Variants in MYH10 observed in about 807,000 individuals in gnomAD.
MYH10 encodes the protein myosin-10.
MYH10 carries 55 observed loss-of-function variants against 257.8 expected under a neutral mutation model. The ratio of observed to expected loss-of-function variants is 0.21; its 90% confidence interval spans 0.17 to 0.27. The LOEUF (loss-of-function observed/expected upper bound fraction) is 0.27. Among genes scored for constraint, MYH10 ranks in the 10% least tolerant of loss-of-function variants. The pLI is 1.00. For synonymous variants in MYH10, 854 were observed against 921.7 expected, an observed-to-expected ratio of 0.93 and a Z score of 1.33; for missense variants, 1,631 against 2,500.6, an observed-to-expected ratio of 0.65 and a Z score of 7.42.
At chr17:8,577,689 G>A (rs2083548983) in intron 4 of MYH10, among the ~76,000 whole-genome samples, 1 of 152,086 alleles carries the variant, frequency 6.6e-6, no homozygotes. Flanking sequence ...ACACCACCAT[G>A]CCCGGCTAAT....
intron 1 of MYH10, among the ~76,000 whole-genome samples, chr17:8,627,156 A>G (rs556698100): frequency 7.2e-5 from 11 of 152,170 alleles, no homozygotes; most frequent in Non-Finnish European, 1.3e-4. Flanking sequence ...TTTAAACGGA[A>G]CAAATATTCA....
chr17:8,475,634 T>A lies in MYH10; in HGVS notation c.*170A>T. On this transcript the variant is annotated 3_prime_UTR_variant, in exon 43 of 43. Coordinates refer to ENST00000360416, the MANE Select transcript of MYH10 (RefSeq NM_001256012.3). ...TGTCTATATATAAAAAGGGGAGCAA[T>A]TGTACCTAAGTCTGAAGCAGGATAC... The A allele has an allele frequency of 1.4e-6, 1 of 699,426 alleles. No individual in the cohort carries two copies. The highest frequency in any genetic ancestry group is 1.9e-5 in the South Asian group (1 of 52,426). The allele number at this position is 699,426 out of a possible 1,614,324, so 43.3% of individuals were successfully genotyped here. A position where few individuals can be genotyped will look rare whatever the true frequency, so the allele number is the denominator to read the frequency against.
chr17:8,548,572 T>C, intron 10 of MYH10, 72 bp downstream of exon 10: 2 of 1,535,316 alleles, frequency 1.3e-6, no homozygotes, highest in Non-Finnish European at 1.8e-6. Context: ...CATTTTCTAG[T>C]TTAGGTGATT....
chr17:8,590,062 C>A (rs2084065349), intron 3 of MYH10, among the ~76,000 whole-genome samples: 1 of 152,170 alleles, frequency 6.6e-6, no homozygotes, highest in South Asian at 2.1e-4. Context: ...GCTCACAAGT[C>A]CTGGCCCAAG....
chr17:8,607,113 C>T (rs775958496), intron 2 of MYH10, among the ~76,000 whole-genome samples: 17 of 152,190 alleles, frequency 1.1e-4, no homozygotes, highest in Non-Finnish European at 2.1e-4. Flanking sequence ...ATTTATATAA[C>T]GTTAACAAAT....
chr17:8,520,852 G>A (rs1053306343), intron 19 of MYH10, 26 bp downstream of exon 19: 1 of 1,580,394 alleles, frequency 6.3e-7, no homozygotes, highest in Non-Finnish European at 8.6e-7. Flanking sequence ...TGATACATAA[G>A]CAAAAAAAGT....
intron 7 of MYH10, among the ~76,000 whole-genome samples, chr17:8,559,493 T>A (rs2082916524): frequency 6.6e-6 from 1 of 152,178 alleles, no homozygotes; most frequent in South Asian, 2.1e-4. Context: ...TATTATTTTA[T>A]TCTTTTTTTT....
chr17:8,555,792 G>A lies in MYH10; in HGVS notation c.757-1774C>T, dbSNP rs140626768. Among the ~76,000 whole-genome samples, 1,119 of 152,234 alleles carry A rather than the reference G, an allele frequency of 7.4e-3. 4 individuals carry two copies. Among genetic ancestry groups the A allele is most frequent in the Non-Finnish European group, 0.012 (850 of 68,012 alleles). ...CATAAAATTAAAAACTGGTAAAATG[G>A]ATTTCATCAAAATTTAAAACTTTTA... is the stretch of plus-strand genomic sequence containing the variant. On this transcript the variant is annotated intron_variant, in intron 7 of 42. Transcript: ENST00000360416.
chr17:8,498,617 G>T (rs1221706087), intron 30 of MYH10, among the ~76,000 whole-genome samples: 1 of 152,014 alleles, frequency 6.6e-6, no homozygotes, highest in Non-Finnish European at 1.5e-5. Flanking sequence ...GGAGGCTGAG[G>T]GGGGCGGATC....
At chr17:8,623,514 GA>G (rs2085548790) in intron 1 of MYH10, 1 of 207,754 alleles carries the variant, frequency 4.8e-6, no homozygotes, top group African/African-American at 2.5e-5. Context: ...GCAAAAAAAA[GA>G]AAAGAAAAGA....
At chr17:8,508,750 G>C (rs1031032273) in intron 25 of MYH10, 73 bp from the exon 26 acceptor site, 72 of 1,574,430 alleles carry the variant, frequency 4.6e-5, no homozygotes, top group Non-Finnish European at 5.3e-5. Flanking sequence ...TCCTCATAAA[G>C]GTCAACTTTG....
At chr17:8,619,313 C>A (rs1412026314) in intron 2 of MYH10, among the ~76,000 whole-genome samples, 1 of 152,152 alleles carries the variant, frequency 6.6e-6, no homozygotes, top group Non-Finnish European at 1.5e-5. Flanking sequence ...CAGTTTGGTA[C>A]TAGTACACTG....
chr17:8,537,491 A>T (rs1003023552), intron 14 of MYH10, among the ~76,000 whole-genome samples: 7 of 152,176 alleles, frequency 4.6e-5, no homozygotes, highest in African/African-American at 1.7e-4. Flanking sequence ...CCTCCACCTG[A>T]AAGAATTGTC....
At chr17:8,476,662 G>C (rs1476189811) in intron 42 of MYH10, among the ~76,000 whole-genome samples, 2 of 152,198 alleles carry the variant, frequency 1.3e-5, no homozygotes, top group Non-Finnish European at 2.9e-5. Flanking sequence ...GATTAGTGTG[G>C]TCCTCTAGTG....
intron 4 of MYH10, among the ~76,000 whole-genome samples, chr17:8,588,829 A>C (rs899644553): frequency 6.6e-6 from 1 of 152,244 alleles, no homozygotes; most frequent in Middle Eastern, 3.2e-3. Context: ...GTAGGCCTAC[A>C]CTTTGACCTA....
intron 2 of MYH10, among the ~76,000 whole-genome samples, chr17:8,616,087 C>T (rs1428948374): frequency 6.6e-6 from 1 of 152,146 alleles, no homozygotes; most frequent in Non-Finnish European, 1.5e-5. Context: ...AGTTCGAGAC[C>T]AGCCTGGGCA....
intron 21 of MYH10, 86 bp downstream of exon 21, chr17:8,518,545 C>A (rs2081550178): frequency 7.1e-7 from 1 of 1,406,998 alleles, no homozygotes; most frequent in South Asian, 1.3e-5. Context: ...ATGTCTCACA[C>A]ACTCTTGCAC....
At position 8,545,356 on chromosome 17, in the gene MYH10, C is replaced by CCT; in HGVS notation, c.1431+90_1431+91dup. The CCT allele has an allele frequency of 2.9e-6, 4 of 1,393,532 alleles. No homozygotes were observed. The highest frequency in any genetic ancestry group is 4.0e-6 in the Non-Finnish European group (4 of 1,009,980). 86.3% of individuals were successfully genotyped at this position (1,393,532 alleles called of 1,614,324 possible). On this transcript the variant is annotated intron_variant, in intron 13 of 42. Transcript: ENST00000360416. This position sits in a 1 kb window ranked among gnomAD's most constrained non-coding sequence, Gnocchi z 4.7. ...AATGGCAGGGACTGTATCCCTGGTGCCTCGTATGTACTGGGCACACAGTAA... is the reference window on the plus strand; with the variant it reads ...AATGGCAGGGACTGTATCCCTGGTGCCTCTCGTATGTACTGGGCACACAGTAA...
chr17:8,504,912 AAAACACCCAGGCGC>A lies in MYH10; in HGVS notation c.3387-20_3387-7del, dbSNP rs1231594551. ...GGAGTGTTTCATCATCACCTCTGTTAAAACACCCAGGCGCAAGAGGCACTCAGAGATGGCACCCG... is the reference window on the plus strand; with the variant it reads ...GGAGTGTTTCATCATCACCTCTGTTAAAGAGGCACTCAGAGATGGCACCCG... On this transcript the variant is annotated splice_polypyrimidine_tract_variant and splice_region_variant and intron_variant, in intron 27 of 42. Transcript: ENST00000360416. This position sits in a 1 kb window ranked among gnomAD's most constrained non-coding sequence, Gnocchi z 5.6. The A allele has an allele frequency of 6.2e-7, 1 of 1,613,348 alleles. No individual in the cohort carries two copies. The highest frequency in any genetic ancestry group is 8.5e-7 in the Non-Finnish European group (1 of 1,179,324).
Sources: allele counts gnomAD v4.1 joint callset (sites outside exome capture counted in the v4.1 genomes callset), GRCh38; gene constraint gnomAD v4.1.1; non-coding constraint Gnocchi (gnomAD v3.1); transcripts MANE v1.5; gene names NCBI Gene and HGNC (gene_info 2026-07-23, HGNC 2026-07-21).